Variants in RASGRF1 observed in about 807,000 individuals in gnomAD.
The protein encoded by RASGRF1 is Ras protein specific guanine nucleotide releasing factor 1.
Under a neutral mutation model 138.7 loss-of-function variants are expected in RASGRF1, and 40 were observed. The ratio of observed to expected loss-of-function variants is 0.29; its 90% CI spans 0.22 to 0.38. The LOEUF is 0.38. Among genes scored for constraint, RASGRF1 ranks in the 10% least tolerant of loss-of-function variants. The pLI is 1.00. For missense variants in RASGRF1, 1,108 were observed against 1,650.4 expected (o/e 0.67, Z 5.69); for synonymous variants, 614 against 663.2 (o/e 0.93, Z 1.14).
At chr15:79,080,044 TC>T (rs1215253208) in intron 1 of RASGRF1, among the ~76,000 whole-genome samples, 1 of 152,214 alleles carries the variant, frequency 6.6e-6, no homozygotes, top group Non-Finnish European at 1.5e-5. Flanking sequence ...CATCATCATT[TC>T]CCTGCTGGTC....
intron 1 of RASGRF1, among the ~76,000 whole-genome samples, chr15:79,078,055 G>A (rs1459565488): frequency 1.3e-5 from 2 of 152,134 alleles, no homozygotes; most frequent in Non-Finnish European, 2.9e-5. Flanking sequence ...TTGGGGCTGA[G>A]GGCCCACAGG....
chr15:79,046,977 C>T lies in RASGRF1; in HGVS notation c.647G>A (p.Trp216Ter). 1 of 1,613,030 alleles carries T rather than the reference C, an allele frequency of 6.2e-7. No homozygotes were observed. The highest frequency in any genetic ancestry group is 8.5e-7 in the Non-Finnish European group (1 of 1,179,688). ...IKKVQSFLRG[W>*]LCRRKWKTII... ...GGTCTTCCACTTCCGCCGGCACAGC[C>T]AGCCCCGCAGGAAGCTCTGCACCTG... The change falls in exon 5 of 27, where the codon TGG becomes TAG. Residue 216 changes from tryptophan to a stop codon, truncating the protein, a stop_gained. Transcript: ENST00000558480. LOFTEE classifies it high-confidence loss of function. This position sits in a 1 kb window ranked among gnomAD's most constrained non-coding sequence, Gnocchi z 5.3.
At chr15:78,996,031 C>G (rs1567474937) in intron 19 of RASGRF1, among the ~76,000 whole-genome samples, 1 of 152,238 alleles carries the variant, frequency 6.6e-6, no homozygotes, top group Non-Finnish European at 1.5e-5. Context: ...CTTCCTGCAT[C>G]TGGCTGGGTG....
intron 3 of RASGRF1, among the ~76,000 whole-genome samples, chr15:79,051,350 A>G (rs1314571719): frequency 1.3e-5 from 2 of 152,112 alleles, no homozygotes; most frequent in Admixed American, 1.3e-4. Context: ...CAGTGTGGAG[A>G]TGGGCTTTTC....
At chr15:79,070,956 T>C (rs1441299190) in intron 1 of RASGRF1, among the ~76,000 whole-genome samples, 1 of 152,192 alleles carries the variant, frequency 6.6e-6, no homozygotes, top group East Asian at 1.9e-4. Context: ...GGTGGCTGCA[T>C]AGGAGCATGT....
In RASGRF1 at chr15:78,968,590, T is replaced by C. The variant is rs931849836; in HGVS notation, c.3681+3276A>G. Among the ~76,000 whole-genome samples, 33 of 152,176 alleles carry C rather than the reference T, an allele frequency of 2.2e-4. 1 individual carries two copies. Among genetic ancestry groups the C allele is most frequent in the African/African-American group, 7.2e-4 (30 of 41,494 alleles). ...TGAGCCACTACTCCCAGCTGATATA[T>C]ATATATATATTTTTAATTGAAAATA... On this transcript the variant is annotated intron_variant, in intron 26 of 26. Coordinates refer to ENST00000558480, the MANE Select transcript of RASGRF1 (RefSeq NM_001145648.3).
rs1172486940 is a variant in RASGRF1 at position 79,025,454 on chromosome 15, T to G, written c.1402A>C (p.Met468Leu). 3 of 1,613,046 alleles carry G rather than the reference T, an allele frequency of 1.9e-6. No homozygotes were observed. In the South Asian group the frequency reaches 3.3e-5, roughly 18 times the overall value. Residue 468 changes from methionine to leucine, a missense_variant, in exon 10 of 27, where the codon ATG becomes CTG. Met to Leu is a conservative substitution (Grantham distance 15). This residue lies in a region of RASGRF1 where 169 missense variants were observed against 344.2 expected (regional missense o/e 0.49). Transcript: ENST00000558480. ...VRQGSLIQVP[M>L]SEKGKITRGR... ...CTGGTGATCTTGCCCTTTTCAGACA[T>G]GGGCACCTGAATGAGGGAACCTGTG...
chr15:78,990,348 AT>A, intron 21 of RASGRF1, 75 bp from the exon 22 acceptor site: 1 of 1,082,202 alleles, frequency 9.2e-7, no homozygotes, highest in Non-Finnish European at 1.4e-6. Context: ...CATGCTTTTT[AT>A]TTTATTTTTT....
intron 1 of RASGRF1, among the ~76,000 whole-genome samples, chr15:79,089,993 G>T (rs2058032448): frequency 6.6e-6 from 1 of 152,170 alleles, no homozygotes; most frequent in Non-Finnish European, 1.5e-5. Context: ...TCCGGCGAAG[G>T]GCAGCCGCAG....
At chr15:79,084,654 T>A (rs59475774) in intron 1 of RASGRF1, among the ~76,000 whole-genome samples, 6,947 of 152,274 alleles carry the variant, frequency 0.046, 532 homozygotes, top group African/African-American at 0.16. Context: ...TAAGTGTCCT[T>A]ACCATACTAG....
chr15:79,025,513 G>A (rs763933119), intron 9 of RASGRF1, 39 bp from the exon 10 acceptor site: 4 of 1,585,482 alleles, frequency 2.5e-6, no homozygotes, highest in Middle Eastern at 2.0e-4. Flanking sequence ...CCATCTCCTG[G>A]GGTGACCTTT....
chr15:79,027,659 G>T lies in RASGRF1; in HGVS notation c.1381+82C>A. The stretch of plus-strand genomic sequence containing the variant: ...TGGCATGTGGCAGCCAAACCAACTG[G>T]TGGCGTCCCCGAGTGCCGCCTCCCT... On this transcript the variant is annotated intron_variant, in intron 9 of 26. Coordinates refer to ENST00000558480, the MANE Select transcript of RASGRF1 (RefSeq NM_001145648.3). The surrounding 1 kb of genome is among the most constrained non-coding windows in gnomAD (Gnocchi z 4.8). 7.7e-7 allele frequency: 1 copy of T among 1,294,014 alleles called. No homozygotes were observed. Among genetic ancestry groups the T allele is most frequent in the Non-Finnish European group, 1.1e-6 (1 of 905,608 alleles). 80.2% of individuals were successfully genotyped at this position (1,294,014 alleles called of 1,614,324 possible).
chr15:79,018,027 C>T (rs1427457481), intron 11 of RASGRF1, 121 bp from the exon 12 acceptor site: 3 of 1,188,870 alleles, frequency 2.5e-6, no homozygotes, highest in Non-Finnish European at 3.5e-6. Context: ...GGCACCAGGC[C>T]AATTGCTGCT....
At chr15:79,028,503 T>A (rs7161801) in intron 8 of RASGRF1, among the ~76,000 whole-genome samples, 37,053 of 151,876 alleles carry the variant, frequency 0.24, 4,643 homozygotes, top group Middle Eastern at 0.34. Context: ...ACAACTCCCC[T>A]ATTTCGCTCT....
chr15:79,081,461 G>T (rs1393546259), intron 1 of RASGRF1, among the ~76,000 whole-genome samples: 1 of 152,184 alleles, frequency 6.6e-6, no homozygotes, highest in East Asian at 1.9e-4. Context: ...GATCGGAGCA[G>T]CCCCTTTCCC....
chr15:79,010,749 T>TACCTGCTCTTGAGGCC (rs1260642201), intron 13 of RASGRF1, among the ~76,000 whole-genome samples: 1 of 152,208 alleles, frequency 6.6e-6, no homozygotes, highest in East Asian at 1.9e-4. Flanking sequence ...ACCTTGAGTC[T>TACCTGCTCTTGAGGCC]ACCTGCTCTT....
At chr15:79,055,988 C>T (rs1252382340) in intron 3 of RASGRF1, among the ~76,000 whole-genome samples, 1 of 152,190 alleles carries the variant, frequency 6.6e-6, no homozygotes, top group Non-Finnish European at 1.5e-5. Flanking sequence ...GACAGGCACA[C>T]ATGGAGCCTG....
intron 13 of RASGRF1, among the ~76,000 whole-genome samples, chr15:79,014,345 T>C (rs2056844988): frequency 6.6e-6 from 1 of 152,222 alleles, no homozygotes; most frequent in Non-Finnish European, 1.5e-5. Flanking sequence ...AACCCAAATG[T>C]CCATCAATCA....
intron 24 of RASGRF1, among the ~76,000 whole-genome samples, chr15:78,976,412 C>A (rs1015837037): frequency 6.6e-6 from 1 of 152,188 alleles, no homozygotes; most frequent in East Asian, 1.9e-4. Flanking sequence ...ACAAAAAAAT[C>A]TCTTAATGTT....
Sources: gnomAD v4.1 joint callset for allele counts (sites outside exome capture counted in the v4.1 genomes callset) on GRCh38, gnomAD v4.1.1 for gene constraint, gnomAD v4.1.1 regional missense constraint, Gnocchi (gnomAD v3.1) non-coding constraint, MANE v1.5 for transcripts, NCBI Gene and HGNC (gene_info 2026-07-23, HGNC 2026-07-21) for gene names.